Variants in ABCC3 observed in about 807,000 individuals in gnomAD.
The protein encoded by ABCC3 is ATP-binding cassette sub-family C member 3.
A neutral mutation model predicts 165.3 loss-of-function variants in ABCC3; 121 were observed. The ratio of observed to expected loss-of-function variants is 0.73; its 90% confidence interval spans 0.63 to 0.85. The LOEUF is 0.85. Ranked by LOEUF, ABCC3 falls within the 40% of genes least tolerant of loss-of-function variation. The pLI is 0.00. For missense variants in ABCC3, 1,869 were observed against 1,964.1 expected (o/e 0.95, Z 0.92); for synonymous variants, 733 against 810.1 (o/e 0.90, Z 1.62).
chr17:50,669,708 A>G (rs1030472867), intron 17 of ABCC3, among the ~76,000 whole-genome samples, 180 bp downstream of exon 17: 1 of 152,198 alleles, frequency 6.6e-6, no homozygotes, highest in African/African-American at 2.4e-5. Context: ...AGTAGGAACT[A>G]TTGAATATTC....
In ABCC3 at chr17:50,691,323, G is replaced by A. The variant is rs185080627; in HGVS notation, c.*123G>A. 5.1e-5 allele frequency: 37 copies of A among 724,372 alleles called. No homozygotes were observed. In the East Asian group the frequency reaches 5.3e-4, roughly 10 times the overall value. The allele number at this position is 724,372 out of a possible 1,614,324, so 44.9% of individuals were successfully genotyped here. Reference sequence around the variant, plus strand: ...GGGGGCACCTTAAGATTTTGCACCTGTAAAGTGCCTTACAGGGTAACTGTG... The same window carrying A: ...GGGGGCACCTTAAGATTTTGCACCTATAAAGTGCCTTACAGGGTAACTGTG... On this transcript the variant is annotated 3_prime_UTR_variant, in exon 31 of 31. Transcript: ENST00000285238.
chr17:50,675,236 A>G (rs1396392516), intron 19 of ABCC3, 126 bp from the exon 20 acceptor site: 3 of 594,270 alleles, frequency 5.0e-6, no homozygotes, highest in Non-Finnish European at 8.6e-6. Context: ...TGCCCTTTCA[A>G]TCCCCCTCAT....
rs1264807959 is a variant in ABCC3 at position 50,684,807 on chromosome 17, G to A, written c.4212G>A (p.Leu1404=). The change falls in exon 29 of 31, where the codon CTG becomes CTA. Residue 1404 remains leucine (L), a synonymous_variant. Transcript: ENST00000285238. ...DIWWALELSH[L]HTFVSSQPAG... is the part of the protein sequence containing the mutation. ...GGTGGGCTTTGGAGCTGTCCCACCT[G>A]CACACGTTTGTGAGCTCCCAGCCGG... 2 of 1,614,176 alleles carry A rather than the reference G, an allele frequency of 1.2e-6. No individual in the cohort carries two copies. Among genetic ancestry groups the A allele is most frequent in the South Asian group, 2.2e-5 (2 of 91,078 alleles).
At chr17:50,668,293 T>A in intron 13 of ABCC3, 137 bp from the exon 14 acceptor site, 3 of 725,704 alleles carry the variant, frequency 4.1e-6, no homozygotes, top group Non-Finnish European at 4.6e-6. Flanking sequence ...GAAGACTCAG[T>A]CGTGGGAGGG....
At chr17:50,652,685 C>T (rs150568065) in intron 1 of ABCC3, among the ~76,000 whole-genome samples, 24 of 152,282 alleles carry the variant, frequency 1.6e-4, no homozygotes, top group Non-Finnish European at 2.4e-4. Context: ...AGTTAGCCAC[C>T]GTCCCAGAAA....
rs780223215 is a variant in ABCC3, at chr17:50,691,322, T to C, written c.*122T>C. On this transcript the variant is annotated 3_prime_UTR_variant, in exon 31 of 31. Coordinates refer to ENST00000285238, the MANE Select transcript of ABCC3 (RefSeq NM_003786.4). ...TGGGGGCACCTTAAGATTTTGCACC[T>C]GTAAAGTGCCTTACAGGGTAACTGT... is the stretch of plus-strand genomic sequence containing the variant. 79 of 732,406 alleles carry C rather than the reference T, an allele frequency of 1.1e-4. No individual in the cohort carries two copies. In the Middle Eastern group the frequency reaches 1.3e-3, roughly 12 times the overall value. The allele number at this position is 732,406 out of a possible 1,614,324, so 45.4% of individuals were successfully genotyped here. A position where few individuals can be genotyped will look rare whatever the true frequency, so the allele number is the denominator to read the frequency against.
chr17:50,667,440 G>A (rs189895426), intron 11 of ABCC3, 114 bp from the exon 12 acceptor site: 1 of 941,514 alleles, frequency 1.1e-6, no homozygotes, highest in Non-Finnish European at 1.6e-6. Context: ...AGAAGGAATG[G>A]TGGGCAGCGT....
chr17:50,673,981 T>TTCCTTCCTTCCTTCCTTC, intron 19 of ABCC3, among the ~76,000 whole-genome samples: 1 of 3,316 alleles, frequency 3.0e-4, no homozygotes, highest in African/African-American at 1.4e-3. Context: ...TCTTTCTTTC[T>TTCCTTCCTTCCTTCCTTC]CTCTCTCTCT....
rs887101149 is a variant in ABCC3 at position 50,667,463 on chromosome 17, A to G, written c.1432-91A>G. 17 of 1,160,992 alleles carry G rather than the reference A, an allele frequency of 1.5e-5. No individual in the cohort carries two copies. In the African/African-American group the frequency reaches 2.1e-4, roughly 14 times the overall value. 71.9% of individuals were successfully genotyped at this position (1,160,992 alleles called of 1,614,324 possible). A position where few individuals can be genotyped will look rare whatever the true frequency, so the allele number is the denominator to read the frequency against. On this transcript the variant is annotated intron_variant, in intron 11 of 30. Coordinates refer to ENST00000285238, the MANE Select transcript of ABCC3 (RefSeq NM_003786.4). ...TGGTGGGCAGCGTGGAATGGCTGCAATGGATGAGAATGGATGGAAGGTAGG... is the reference window on the plus strand; with the variant it reads ...TGGTGGGCAGCGTGGAATGGCTGCAGTGGATGAGAATGGATGGAAGGTAGG...
At chr17:50,664,201 C>T (rs1967469286) in intron 10 of ABCC3, 90 bp downstream of exon 10, 1 of 1,537,696 alleles carries the variant, frequency 6.5e-7, no homozygotes, top group Non-Finnish European at 8.9e-7. Flanking sequence ...GAGCATGGCA[C>T]ATGCTTGTAG....
Position 50,667,561 on chromosome 17 carries a change from A to G in ABCC3, c.1439A>G (p.Gln480Arg). 6.2e-7 allele frequency: 1 copy of G among 1,608,446 alleles called. No homozygotes were observed. Among genetic ancestry groups the G allele is most frequent in the Non-Finnish European group, 8.5e-7 (1 of 1,175,240 alleles). ...AVKMRAFQVK[Q>R]MKLKDSRIKL... is the part of the protein sequence containing the mutation. ...CTCTTTCTGCCTGCACAGGTAAAGC[A>G]AATGAAATTGAAGGACTCGCGCATC... The change falls in exon 12 of 31, where the codon CAA becomes CGA. Residue 480 changes from glutamine to arginine, a missense_variant. Transcript: ENST00000285238.
At chr17:50,637,143 C>T (rs776380735) in intron 1 of ABCC3, among the ~76,000 whole-genome samples, 6 of 152,098 alleles carry the variant, frequency 3.9e-5, no homozygotes, top group Non-Finnish European at 8.8e-5. Flanking sequence ...TGCTTGGATA[C>T]CTTAAATGGC....
rs759146021 is a variant in ABCC3, at chr17:50,655,959, A to G, written c.173A>G (p.His58Arg). 1.2e-6 allele frequency: 2 copies of G among 1,613,814 alleles called. No individual in the cohort carries two copies. Among genetic ancestry groups the G allele is most frequent in the African/African-American group, 2.7e-5 (2 of 74,822 alleles). The change falls in exon 2 of 31, where the codon CAC (histidine) becomes CGC (arginine). Residue 58 changes from histidine (H) to arginine (R), a missense_variant. Transcript: ENST00000285238. ...CCCTGCTACTTGCTCTACCTGCGGC[A>G]CCATTGTCGTGGCTACATCATCCTC... The part of the protein sequence containing the change: ...ALPCYLLYLR[H>R]HCRGYIILSH...
At chr17:50,639,014 A>T (rs2054203450) in intron 1 of ABCC3, among the ~76,000 whole-genome samples, 1 of 152,162 alleles carries the variant, frequency 6.6e-6, no homozygotes. Context: ...CCTTCTTAGT[A>T]GGCAGCCACA....
At chr17:50,673,712 T>C in intron 19 of ABCC3, 54 bp downstream of exon 19, 1 of 1,562,326 alleles carries the variant, frequency 6.4e-7, no homozygotes, top group Non-Finnish European at 8.8e-7. Flanking sequence ...ATTCCCCCTG[T>C]CTGGGGTCTC....
chr17:50,672,427 G>T (rs923004433), intron 17 of ABCC3, among the ~76,000 whole-genome samples: 3 of 152,274 alleles, frequency 2.0e-5, no homozygotes, highest in Non-Finnish European at 4.4e-5. Flanking sequence ...AGATGGGTTG[G>T]GCAGGACACC....
intron 2 of ABCC3, among the ~76,000 whole-genome samples, chr17:50,656,284 C>G (rs553533426): frequency 2.0e-3 from 312 of 152,240 alleles, no homozygotes; most frequent in African/African-American, 7.3e-3. Flanking sequence ...TGGGGTTTTG[C>G]CATTTTGGCA....
intron 30 of ABCC3, among the ~76,000 whole-genome samples, chr17:50,688,191 T>C (rs1427207942): frequency 6.6e-6 from 1 of 152,152 alleles, no homozygotes; most frequent in Non-Finnish European, 1.5e-5. Context: ...ATTACAGGCG[T>C]GAGCCACTGC....
intron 5 of ABCC3, 79 bp downstream of exon 5, chr17:50,658,286 C>T: frequency 1.2e-6 from 2 of 1,604,958 alleles, no homozygotes; most frequent in South Asian, 2.2e-5. Context: ...CCAACCCCTC[C>T]AGTTCCTTTC....
Sources: allele counts gnomAD v4.1 joint callset (sites outside exome capture counted in the v4.1 genomes callset), GRCh38; gene constraint gnomAD v4.1.1; transcripts MANE v1.5; gene names NCBI Gene and HGNC (gene_info 2026-07-23, HGNC 2026-07-21).